The following PDK3 variants were observed in gnomAD, a reference collection of about 807,000 sequenced individuals.
PDK3 encodes pyruvate dehydrogenase kinase 3.
Under a neutral mutation model 32.0 loss-of-function variants are expected in PDK3, and 12 were observed. The observed-to-expected ratio is 0.37, with a 90% CI of 0.24 to 0.61. PDK3 has a LOEUF of 0.61. PDK3 is among the 20% of genes least tolerant of loss of function. The pLI is 0.65. For synonymous variants in PDK3, 122 were observed against 116.3 expected (o/e 1.05, Z -0.31); for missense variants, 188 against 316.9 (o/e 0.59, Z 3.09).
At chrX:24,522,562 T>C (rs73207214) in intron 6 of PDK3, among the ~76,000 whole-genome samples, 10 of 111,767 alleles carry the variant, frequency 8.9e-5, no homozygotes, top group Non-Finnish European at 1.7e-4. Context: ...TCATGCCATT[T>C]GGTACAAGAT....
In PDK3 at chrX:24,468,915, C is replaced by T. The variant is rs1283765232; in HGVS notation, c.106+3354C>T. 2.7e-5 allele frequency among the ~76,000 whole-genome samples: 3 copies of T among 111,948 alleles called. No homozygotes were observed. In the East Asian group the frequency reaches 8.3e-4, roughly 31 times the overall value. On this transcript the variant is annotated intron_variant, in intron 1 of 10. Transcript: ENST00000379162. Reference sequence around the variant, plus strand: ...TCCAAATTCAGAGGGTTCAAAAGGACACAGAAAAGCCTGCTTCCCACTTGT... The same window carrying T: ...TCCAAATTCAGAGGGTTCAAAAGGATACAGAAAAGCCTGCTTCCCACTTGT...
rs760428231 is a variant in PDK3 at position 24,503,304 on chromosome X, C to T, written c.321-23C>T. On this transcript the variant is annotated intron_variant, in intron 3 of 10. Transcript: ENST00000379162. ...GCCCATGAGATATTAAGACTGACCACGTTTTGTTTCCCTCTCACACAGCTT... is the reference window on the plus strand; with the variant it reads ...GCCCATGAGATATTAAGACTGACCATGTTTTGTTTCCCTCTCACACAGCTT... The T allele has an allele frequency of 5.2e-6, 6 of 1,161,785 alleles. No homozygotes were observed. The South Asian group carries it at 7.8e-5, about 15-fold the overall frequency.
chrX:24,475,601 G>T (rs1020238199), intron 1 of PDK3, among the ~76,000 whole-genome samples: 1 of 110,442 alleles, frequency 9.1e-6, no homozygotes, highest in Non-Finnish European at 1.9e-5. Flanking sequence ...TGAGGCTGCA[G>T]TGAGCTGGGA....
Position 24,534,394 on chromosome X carries a change from G to A in PDK3, c.*322G>A. ...GTGAATCTTGAAGTCATTATGCTAA[G>A]TGAAATAAACCAGACATAAAAGGAC... On this transcript the variant is annotated 3_prime_UTR_variant, in exon 11 of 11. Transcript: ENST00000379162. 2 of 226,064 alleles carry A rather than the reference G, an allele frequency of 8.8e-6. No homozygotes were observed. The highest frequency in any genetic ancestry group is 1.4e-5 in the Non-Finnish European group (2 of 139,349). 18.6% of individuals were successfully genotyped at this position (226,064 alleles called of 1,213,427 possible). A position where few individuals can be genotyped will look rare whatever the true frequency, so the allele number is the denominator to read the frequency against.
intron 1 of PDK3, among the ~76,000 whole-genome samples, chrX:24,481,444 A>G (rs1921259012): frequency 8.9e-6 from 1 of 112,158 alleles, no homozygotes. Flanking sequence ...AAATAACTGT[A>G]TAGAGAGACA....
chrX:24,499,739 G>A (rs1005016777), intron 3 of PDK3, among the ~76,000 whole-genome samples: 3 of 112,232 alleles, frequency 2.7e-5, no homozygotes, highest in African/African-American at 9.7e-5. Context: ...ACTTGCCCAA[G>A]ATTGTGACCG....
chrX:24,522,840 A>G (rs767326564), intron 6 of PDK3, among the ~76,000 whole-genome samples: 3 of 109,088 alleles, frequency 2.8e-5, no homozygotes, highest in Non-Finnish European at 5.7e-5. Flanking sequence ...TGGGAGGCGG[A>G]GGTTGCAGTG....
downstream of PDK3, among the ~76,000 whole-genome samples, chrX:24,538,891 A>G (rs1350590444): frequency 2.7e-5 from 3 of 112,188 alleles, no homozygotes; most frequent in Admixed American, 1.9e-4. Context: ...GAAACCTCAT[A>G]GTTTTTAGCA....
chrX:24,528,077 T>G lies in PDK3; in HGVS notation c.854T>G (p.Ile285Ser). ...TLGKEDLSIK[I>S]SDLGGGVPLR... ...TTGTTAACATTTTGAACATTGCAGA[T>G]CAGTGACCTAGGTGGTGGTGTCCCA... Residue 285 changes from isoleucine to serine, a missense_variant and splice_region_variant, in exon 9 of 11, where the codon ATC becomes AGC. Ile to Ser is a moderately radical substitution (Grantham distance 142). Coordinates refer to ENST00000379162, the MANE Select transcript of PDK3 (RefSeq NM_005391.5). The G allele has an allele frequency of 6.3e-6, 7 of 1,119,311 alleles. No individual in the cohort carries two copies. The highest frequency in any genetic ancestry group is 8.6e-6 in the Non-Finnish European group (7 of 811,254). 92.2% of individuals were successfully genotyped at this position (1,119,311 alleles called of 1,213,427 possible).
intron 6 of PDK3, among the ~76,000 whole-genome samples, chrX:24,524,359 T>A (rs1176062481): frequency 9.0e-6 from 1 of 111,541 alleles, no homozygotes; most frequent in East Asian, 2.8e-4. Flanking sequence ...GAAGTAGGTA[T>A]GGAAACTGGA....
At chrX:24,479,040 A>G (rs1056653618) in intron 1 of PDK3, among the ~76,000 whole-genome samples, 1 of 112,343 alleles carries the variant, frequency 8.9e-6, no homozygotes, top group Admixed American at 9.4e-5. Flanking sequence ...TTTTCCCACA[A>G]TTGTTACATT....
At chrX:24,510,768 C>T (rs1922097844) in intron 5 of PDK3, among the ~76,000 whole-genome samples, 1 of 111,734 alleles carries the variant, frequency 8.9e-6, no homozygotes, top group African/African-American at 3.3e-5. Flanking sequence ...ATGGTCTTTC[C>T]AGCCAAGTGT....
intron 2 of PDK3, among the ~76,000 whole-genome samples, chrX:24,497,013 C>A (rs1311466518): frequency 9.2e-6 from 1 of 108,626 alleles, no homozygotes; most frequent in Non-Finnish European, 1.9e-5. Context: ...ATCTCCTGAC[C>A]TTGTGATCCG....
chrX:24,487,617 C>T (rs1009697418), intron 1 of PDK3, among the ~76,000 whole-genome samples: 4 of 111,196 alleles, frequency 3.6e-5, no homozygotes, highest in African/African-American at 1.3e-4. Context: ...TGATATTAAT[C>T]GAAAGCATTT....
intron 2 of PDK3, among the ~76,000 whole-genome samples, chrX:24,496,843 G>T (rs747242995): frequency 7.5e-4 from 70 of 93,811 alleles, no homozygotes; most frequent in African/African-American, 2.7e-3. Flanking sequence ...GTGCAGTGGC[G>T]GGATCTCAGC....
chrX:24,503,983 C>G (rs1921924314), intron 4 of PDK3, among the ~76,000 whole-genome samples: 1 of 112,162 alleles, frequency 8.9e-6, no homozygotes, highest in Non-Finnish European at 1.9e-5. Flanking sequence ...TCAGATTAAG[C>G]CAGACTGTCA....
At chrX:24,516,195 T>C (rs1357058680) in intron 5 of PDK3, among the ~76,000 whole-genome samples, 1 of 111,588 alleles carries the variant, frequency 9.0e-6, no homozygotes, top group East Asian at 2.8e-4. Flanking sequence ...CTCTCACCTC[T>C]TGAATATTAA....
At chrX:24,537,431 C>T (rs192994415), downstream of PDK3, among the ~76,000 whole-genome samples, 125 of 109,127 alleles carry the variant, frequency 1.1e-3, no homozygotes, top group African/African-American at 3.8e-3. Context: ...CTGCACCCAG[C>T]CCTGTTTCTT....
At chrX:24,524,280 G>A (rs1441573689) in intron 6 of PDK3, among the ~76,000 whole-genome samples, 1 of 112,009 alleles carries the variant, frequency 8.9e-6, no homozygotes, top group African/African-American at 3.2e-5. Context: ...ATTCTAATTT[G>A]AAAAATCTTG....
Sources: gnomAD v4.1 joint callset for allele counts (sites outside exome capture counted in the v4.1 genomes callset) on GRCh38, gnomAD v4.1.1 for gene constraint, MANE v1.5 for transcripts, NCBI Gene and HGNC (gene_info 2026-07-23, HGNC 2026-07-21) for gene names.